The following MDFIC2 variants were observed in gnomAD, a reference collection of about 807,000 sequenced individuals.
The protein encoded by MDFIC2 is MyoD family inhibitor domain containing 2, also known as myoD family inhibitor domain-containing protein 2.
chr3:70,205,607 A>C (rs558960691), intron 3 of MDFIC2: 1 of 152,188 alleles, frequency 6.6e-6, no homozygotes, highest in African/African-American at 2.4e-5. Context: ...TCATATAATC[A>C]GAGACTAAAA....
At chr3:70,226,183 A>T (rs1253089834) in intron 2 of MDFIC2, among the ~76,000 whole-genome samples, 4 of 152,218 alleles carry the variant, frequency 2.6e-5, no homozygotes, top group Non-Finnish European at 5.9e-5. Flanking sequence ...CATTCGATAA[A>T]CATTTATGAA....
At chr3:70,305,300 T>C (rs1169753942) in intron 2 of MDFIC2, among the ~76,000 whole-genome samples, 1 of 152,210 alleles carries the variant, frequency 6.6e-6, no homozygotes, top group African/African-American at 2.4e-5. Flanking sequence ...CTATTTTTGT[T>C]ATTAGGTAAC....
chr3:70,299,820 A>G (rs1186643824), intron 2 of MDFIC2, among the ~76,000 whole-genome samples: 1 of 152,062 alleles, frequency 6.6e-6, no homozygotes, highest in Admixed American at 6.6e-5. Context: ...CCAACCTCAC[A>G]TATATTTTAT....
At chr3:70,252,698 TA>T (rs1227072135) in intron 2 of MDFIC2, among the ~76,000 whole-genome samples, 1 of 152,216 alleles carries the variant, frequency 6.6e-6, no homozygotes, top group Non-Finnish European at 1.5e-5. Context: ...TTTATTTATT[TA>T]TTTTTTTAAA....
At position 70,196,858 on chromosome 3, in the gene MDFIC2, C is replaced by G. The variant is rs1469350838; in HGVS notation, c.*68G>C. 3 of 397,880 alleles carry G rather than the reference C, an allele frequency of 7.5e-6. No homozygotes were observed. Among genetic ancestry groups the G allele is most frequent in the African/African-American group, 6.2e-5 (3 of 48,598 alleles). 24.6% of individuals were successfully genotyped at this position (397,880 alleles called of 1,614,324 possible). ...TCCTTACATTTCAGCACATGGAAAT[C>G]AGTCTTGTTGTAATGGAATTTCCCA... On this transcript the variant is annotated 3_prime_UTR_variant, in exon 4 of 4. Transcript: ENST00000567252.
chr3:70,308,503 G>T (rs989140885), intron 2 of MDFIC2, among the ~76,000 whole-genome samples: 1 of 152,076 alleles, frequency 6.6e-6, no homozygotes, highest in Non-Finnish European at 1.5e-5. Context: ...TAACAGCTCT[G>T]GCTGTGGCTT....
rs2106714293 is a variant in MDFIC2 at position 70,194,662 on chromosome 3, C to A, written c.*2264G>T. Among the ~76,000 whole-genome samples, 1 of 152,294 alleles carries A rather than the reference C, an allele frequency of 6.6e-6. No homozygotes were observed. The highest frequency in any genetic ancestry group is 1.9e-4 in the East Asian group (1 of 5,184). ...TTCTGACCACATTACCACATAAGAC[C>A]TGGTGATTTTTATGTCTCTAATTGA... On this transcript the variant is annotated 3_prime_UTR_variant, in exon 4 of 4. Transcript: ENST00000567252.
intron 2 of MDFIC2, among the ~76,000 whole-genome samples, chr3:70,254,180 G>T (rs1701794462): frequency 6.6e-6 from 1 of 152,022 alleles, no homozygotes; most frequent in South Asian, 2.1e-4. Context: ...AACTAGTAAT[G>T]ATAAAACATT....
At chr3:70,294,883 T>C (rs1217165727) in intron 2 of MDFIC2, among the ~76,000 whole-genome samples, 1 of 152,134 alleles carries the variant, frequency 6.6e-6, no homozygotes, top group Non-Finnish European at 1.5e-5. Context: ...CTATCTTTTT[T>C]TGTGAACCAT....
At chr3:70,236,869 T>A (rs1701615038) in intron 2 of MDFIC2, among the ~76,000 whole-genome samples, 1 of 152,166 alleles carries the variant, frequency 6.6e-6, no homozygotes, top group Admixed American at 6.5e-5. Flanking sequence ...GGTGTTAGGA[T>A]TTCAGGTAAC....
intron 2 of MDFIC2, among the ~76,000 whole-genome samples, chr3:70,240,499 T>G (rs1701657037): frequency 6.6e-6 from 1 of 152,176 alleles, no homozygotes; most frequent in African/African-American, 2.4e-5. Context: ...AAAAAATATG[T>G]GTTTCCTAGC....
intron 2 of MDFIC2, among the ~76,000 whole-genome samples, chr3:70,264,458 C>A (rs981448840): frequency 5.9e-5 from 9 of 152,302 alleles, no homozygotes; most frequent in Admixed American, 2.6e-4. Context: ...TAACAGATCA[C>A]AAGGATCAAT....
intron 2 of MDFIC2, among the ~76,000 whole-genome samples, chr3:70,228,394 A>G (rs1306229908): frequency 6.6e-6 from 1 of 152,028 alleles, no homozygotes; most frequent in African/African-American, 2.4e-5. Flanking sequence ...CTCAGAAGGA[A>G]TTGTTGTCTT....
At chr3:70,252,304 G>C (rs1163464495) in intron 2 of MDFIC2, among the ~76,000 whole-genome samples, 3 of 152,120 alleles carry the variant, frequency 2.0e-5, no homozygotes, top group Admixed American at 1.3e-4. Flanking sequence ...TTTTCCATTG[G>C]TGTATGGTGT....
Position 70,196,242 on chromosome 3 carries a change from C to T in MDFIC2, c.*684G>A, listed in dbSNP as rs1006018215. Among the ~76,000 whole-genome samples the T allele has an allele frequency of 3.3e-5, 5 of 152,124 alleles. No homozygotes were observed. The highest frequency in any genetic ancestry group is 1.2e-4 in the African/African-American group (5 of 41,442). ...TAAGAATATGAATAACCTGTTATGA[C>T]ATAGTCATAGACATACAATAATATG... On this transcript the variant is annotated 3_prime_UTR_variant, in exon 4 of 4. Coordinates refer to ENST00000567252, the MANE Select transcript of MDFIC2 (RefSeq NM_001364677.1).
intron 2 of MDFIC2, among the ~76,000 whole-genome samples, chr3:70,309,614 T>C (rs1172034747): frequency 1.3e-5 from 2 of 152,150 alleles, no homozygotes; most frequent in African/African-American, 4.8e-5. Context: ...CCAAATGCCA[T>C]GCTCTTTTTA....
intron 2 of MDFIC2, among the ~76,000 whole-genome samples, chr3:70,273,879 T>A (rs1701997255): frequency 6.6e-6 from 1 of 152,190 alleles, no homozygotes; most frequent in Admixed American, 6.5e-5. Context: ...CATGGCTCAC[T>A]GAAGACTTGA....
At chr3:70,253,003 C>T (rs1010212206) in intron 2 of MDFIC2, among the ~76,000 whole-genome samples, 3 of 152,072 alleles carry the variant, frequency 2.0e-5, no homozygotes, top group Admixed American at 2.0e-4. Flanking sequence ...TCGCTTGAAC[C>T]CAGTAGGTGG....
At chr3:70,246,423 A>G (rs1467205750) in intron 2 of MDFIC2, among the ~76,000 whole-genome samples, 1 of 152,060 alleles carries the variant, frequency 6.6e-6, no homozygotes, top group Non-Finnish European at 1.5e-5. Context: ...TGTTCAATCC[A>G]CTGGTCCACT....
Sources: gnomAD v4.1 joint callset for allele counts (sites outside exome capture counted in the v4.1 genomes callset) on GRCh38, gnomAD v4.1.1 for gene constraint, MANE v1.5 for transcripts, NCBI Gene and HGNC (gene_info 2026-07-23, HGNC 2026-07-21) for gene names.